Variants in VPS13C observed in about 807,000 individuals in gnomAD.
VPS13C encodes the protein vacuolar protein sorting 13 homolog C, also known as intermembrane lipid transfer protein VPS13C.
A neutral mutation model predicts 456.8 loss-of-function variants in VPS13C; 358 were observed. The ratio of observed to expected loss-of-function variants is 0.78; its 90% CI spans 0.72 to 0.86. The LOEUF is 0.86. Ranked by LOEUF, VPS13C falls within the 40% of genes least tolerant of loss-of-function variation. VPS13C has a pLI of 0.00. For missense variants in VPS13C, 4,818 were observed against 4,385.4 expected (o/e 1.10, Z -2.79); for synonymous variants, 1,578 against 1,486.7 (o/e 1.06, Z -1.41).
intron 5 of VPS13C, among the ~76,000 whole-genome samples, chr15:62,030,324 T>C (rs2047771624): frequency 6.6e-6 from 1 of 152,110 alleles, no homozygotes; most frequent in Non-Finnish European, 1.5e-5. Context: ...AATCTCATGT[T>C]CAAATGTGAT....
intron 6 of VPS13C, among the ~76,000 whole-genome samples, chr15:62,024,809 T>C (rs540185169): frequency 3.9e-5 from 6 of 152,202 alleles, no homozygotes; most frequent in South Asian, 4.1e-4. Context: ...GAAATAATAT[T>C]TCTACTTTCC....
chr15:61,904,923 A>T (rs1432942356), intron 66 of VPS13C, among the ~76,000 whole-genome samples: 1 of 145,332 alleles, frequency 6.9e-6, no homozygotes, highest in Admixed American at 6.9e-5. Flanking sequence ...TGTGGGAGCT[A>T]AAAAAAAAAA....
Position 61,931,183 on chromosome 15 carries a change from T to C in VPS13C, c.5945A>G (p.Lys1982Arg), listed in dbSNP as rs1361911165. 2 of 1,614,076 alleles carry C rather than the reference T, an allele frequency of 1.2e-6. No individual in the cohort carries two copies. Among genetic ancestry groups the C allele is most frequent in the Non-Finnish European group, 1.7e-6 (2 of 1,180,036 alleles). The change falls in exon 50 of 85, where the codon AAG becomes AGG. Residue 1982 changes from lysine to arginine, a missense_variant. Coordinates refer to ENST00000644861, the MANE Select transcript of VPS13C (RefSeq NM_020821.3). ...LRLHLMASSG[K>R]MFKDGSMNVS... ...ATTCATTGAGCCATCCTTAAACATC[T>C]TCCCTGAGGAGGCCATAAGATGTAG... is the stretch of plus-strand genomic sequence containing the variant.
chr15:62,006,382 G>A (rs1383783029), intron 15 of VPS13C, among the ~76,000 whole-genome samples: 3 of 152,142 alleles, frequency 2.0e-5, no homozygotes, highest in African/African-American at 7.2e-5. Flanking sequence ...GCGATAGTTT[G>A]CTGAGAATGA....
At chr15:61,931,870 G>A (rs188817308) in intron 49 of VPS13C, among the ~76,000 whole-genome samples, 408 of 152,102 alleles carry the variant, frequency 2.7e-3, no homozygotes, top group Admixed American at 5.1e-3. Context: ...ATAAGCCACT[G>A]CGCCCCGCCT....
Position 61,877,040 on chromosome 15 carries a change from T to G in VPS13C, c.10157A>C (p.Glu3386Ala). ...DDLIFKLAYY[E>A]IRYQFYKRDQ... The stretch of plus-strand genomic sequence containing the variant: ...TCTCTTGTAGAACTGATATCGAATT[T>G]CATAATAAGCAAGTCTGGGAGGAGA... The change falls in exon 75 of 85, where the codon GAA becomes GCA. Residue 3386 changes from glutamate (E) to alanine (A), a missense_variant. Physicochemically the swap from Glu to Ala is moderately radical, Grantham distance 107. This residue lies in a region of VPS13C where 4,552 missense variants were observed against 4,130.6 expected (regional missense o/e 1.10). Transcript: ENST00000644861. The G allele has an allele frequency of 6.2e-7, 1 of 1,607,654 alleles. No individual in the cohort carries two copies. Among genetic ancestry groups the G allele is most frequent in the Non-Finnish European group, 8.5e-7 (1 of 1,176,656 alleles).
Position 61,862,166 on chromosome 15 carries a change from AGGAAAAGGAAAGGAAAG to A in VPS13C, c.10952+1257_10952+1273del, listed in dbSNP as rs1200286566. Among the ~76,000 whole-genome samples, 90 of 148,952 alleles carry A rather than the reference AGGAAAAGGAAAGGAAAG, an allele frequency of 6.0e-4. No individual in the cohort carries two copies. The Middle Eastern group carries it at 0.01, about 17-fold the overall frequency. On this transcript the variant is annotated intron_variant, in intron 82 of 84. Transcript: ENST00000644861. Reference sequence around the variant, plus strand: ...AAGAGAAGAGAAAAAGTAAAGGAAAAGGAAAAGGAAAGGAAAGGGAAAAGGAAAGGAAAGGAGAAAAG... The same window carrying A: ...AAGAGAAGAGAAAAAGTAAAGGAAAAGGAAAAGGAAAGGAAAGGAGAAAAG...
chr15:61,854,577 A>G lies in VPS13C; in HGVS notation c.11161-19T>C. ...ATGCTCTCTGTAAAGTAAAATACTT[A>G]TTATGAATTTTAAAGACAAGTATAG... is the stretch of plus-strand genomic sequence containing the variant. On this transcript the variant is annotated intron_variant, in intron 84 of 84. Transcript: ENST00000644861. The G allele has an allele frequency of 1.2e-6, 2 of 1,611,598 alleles. No homozygotes were observed. Among genetic ancestry groups the G allele is most frequent in the Non-Finnish European group, 1.7e-6 (2 of 1,177,810 alleles).
intron 60 of VPS13C, 137 bp downstream of exon 60, chr15:61,917,204 T>C: frequency 2.2e-6 from 2 of 908,984 alleles, no homozygotes; most frequent in Non-Finnish European, 3.3e-6. Context: ...CAGTTTTTGC[T>C]ATCATTAACA....
Position 61,867,629 on chromosome 15 carries a change from G to T in VPS13C, c.10863+1030C>A. On this transcript the variant is annotated intron_variant, in intron 81 of 84. Coordinates refer to ENST00000644861, the MANE Select transcript of VPS13C (RefSeq NM_020821.3). This position sits in a 1 kb window ranked among gnomAD's most constrained non-coding sequence, Gnocchi z 5.0. The stretch of plus-strand genomic sequence containing the variant: ...ATAAGATAAAATTTTCGAAATGATA[G>T]TAACAGTATCTGCTTCTGAGCTCAA... 1 of 1,133,712 alleles carries T rather than the reference G, an allele frequency of 8.8e-7. No individual in the cohort carries two copies. Among genetic ancestry groups the T allele is most frequent in the South Asian group, 3.3e-5 (1 of 30,758 alleles). 70.2% of individuals were successfully genotyped at this position (1,133,712 alleles called of 1,614,324 possible).
chr15:61,891,277 C>T (rs1055811597), intron 66 of VPS13C, among the ~76,000 whole-genome samples: 4 of 151,798 alleles, frequency 2.6e-5, no homozygotes, highest in Admixed American at 1.3e-4. Context: ...ATAAGCAGTA[C>T]GAGTACCTAC....
At chr15:62,019,140 T>C (rs900466095) in intron 9 of VPS13C, among the ~76,000 whole-genome samples, 2 of 152,140 alleles carry the variant, frequency 1.3e-5, no homozygotes, top group African/African-American at 4.8e-5. Context: ...TGATATCCCC[T>C]TTACTATTTT....
At chr15:61,984,384 C>A (rs928157922) in intron 19 of VPS13C, among the ~76,000 whole-genome samples, 1 of 152,210 alleles carries the variant, frequency 6.6e-6, no homozygotes, top group South Asian at 2.1e-4. Context: ...TAGTCATTTC[C>A]ATTCAGCTAT....
chr15:62,029,757 T>C (rs943810676), intron 5 of VPS13C, among the ~76,000 whole-genome samples: 3 of 152,096 alleles, frequency 2.0e-5, no homozygotes, highest in Non-Finnish European at 4.4e-5. Context: ...TAAAGGAGCC[T>C]GGAAGCTAGA....
intron 64 of VPS13C, among the ~76,000 whole-genome samples, chr15:61,909,557 A>G (rs2043242290): frequency 6.6e-6 from 1 of 152,222 alleles, no homozygotes. Context: ...TCTGTTATAA[A>G]TATATGTTGG....
intron 78 of VPS13C, among the ~76,000 whole-genome samples, chr15:61,873,003 G>A (rs1007452543): frequency 5.3e-5 from 8 of 151,750 alleles, no homozygotes; most frequent in South Asian, 4.2e-4. Flanking sequence ...TCACTTCCTC[G>A]CCTTCTACAC....
chr15:61,954,130 C>T (rs1464115437), intron 38 of VPS13C, among the ~76,000 whole-genome samples: 1 of 152,114 alleles, frequency 6.6e-6, no homozygotes, highest in Non-Finnish European at 1.5e-5. Context: ...ATTTATCTGA[C>T]ACTATTGTCC....
intron 79 of VPS13C, 79 bp downstream of exon 79, chr15:61,871,910 G>A: frequency 7.9e-7 from 1 of 1,258,970 alleles, no homozygotes; most frequent in Non-Finnish European, 1.1e-6. Flanking sequence ...CAAGTATATA[G>A]CAGCAATAAC....
At chr15:61,874,187 G>T (rs1212824761) in intron 77 of VPS13C, among the ~76,000 whole-genome samples, 1 of 152,010 alleles carries the variant, frequency 6.6e-6, no homozygotes, top group Non-Finnish European at 1.5e-5. Flanking sequence ...ATGGGTAGGG[G>T]GAGGAGAGGA....
Sources: gnomAD v4.1 joint callset for allele counts (sites outside exome capture counted in the v4.1 genomes callset) on GRCh38, gnomAD v4.1.1 for gene constraint, gnomAD v4.1.1 regional missense constraint, Gnocchi (gnomAD v3.1) non-coding constraint, MANE v1.5 for transcripts, NCBI Gene and HGNC (gene_info 2026-07-23, HGNC 2026-07-21) for gene names.